The following TMEM232 variants were observed in gnomAD, a reference collection of about 807,000 sequenced individuals.
TMEM232 encodes the protein transmembrane protein 232.
In TMEM232, 80 loss-of-function variants were observed where a neutral mutation model predicts 78.8. The observed-to-expected ratio is 1.01, with a 90% CI of 0.85 to 1.22. The LOEUF is 1.22. Ranked by LOEUF, TMEM232 falls within the 50% of genes most tolerant of loss-of-function variation. The pLI is 0.00. For missense variants in TMEM232, 881 were observed against 742.2 expected (o/e 1.19, Z -2.17); for synonymous variants, 297 against 254.3 (o/e 1.17, Z -1.60).
At chr5:110,676,497 C>T (rs1375601806) in intron 1 of TMEM232, among the ~76,000 whole-genome samples, 2 of 151,786 alleles carry the variant, frequency 1.3e-5, no homozygotes, top group Non-Finnish European at 2.9e-5. Flanking sequence ...CTTCCGCCTC[C>T]TGGGCTTAAG....
intron 1 of TMEM232, among the ~76,000 whole-genome samples, chr5:110,737,054 C>A (rs1400564362): frequency 6.9e-6 from 1 of 145,362 alleles, no homozygotes; most frequent in Admixed American, 6.9e-5. Flanking sequence ...TTTTTTAATA[C>A]AATCATGTCA....
intron 12 of TMEM232, among the ~76,000 whole-genome samples, chr5:110,473,807 CA>C (rs1209290415): frequency 2.9e-4 from 28 of 95,700 alleles, no homozygotes; most frequent in South Asian, 7.4e-4. Context: ...TAGTCAAATT[CA>C]AAAAAAAAGA....
intron 2 of TMEM232, among the ~76,000 whole-genome samples, chr5:110,651,348 AT>A (rs201003092): frequency 0.024 from 3,663 of 152,046 alleles, 47 homozygotes; most frequent in African/African-American, 0.032. Flanking sequence ...AGGGAGAGAC[AT>A]TTGAGTTGAA....
chr5:110,726,108 T>TCACACACACA (rs3985014), intron 1 of TMEM232, among the ~76,000 whole-genome samples: 7,748 of 144,576 alleles, frequency 0.054, 233 homozygotes, highest in Admixed American at 0.094. Context: ...CCTCTCTCTT[T>TCACACACACA]CACACACACA....
intron 11 of TMEM232, among the ~76,000 whole-genome samples, chr5:110,556,559 T>G (rs1190638024): frequency 2.0e-5 from 3 of 152,032 alleles, no homozygotes; most frequent in Admixed American, 2.0e-4. Flanking sequence ...AGCTAATATT[T>G]TGTATTTGGA....
rs866665210 is a variant in TMEM232, at chr5:110,419,853, T to A, written c.*727A>T. ...TTACTCATAGGTTCAGAACTTCAGA[T>A]GAAGTGAAGTTCCATTTCTAAAATA... On this transcript the variant is annotated 3_prime_UTR_variant, in exon 14 of 14. Coordinates refer to ENST00000455884, the MANE Select transcript of TMEM232 (RefSeq NM_001039763.4). 6.6e-5 allele frequency among the ~76,000 whole-genome samples: 10 copies of A among 152,164 alleles called. No individual in the cohort carries two copies. The highest frequency in any genetic ancestry group is 5.9e-5 in the Non-Finnish European group (4 of 67,992).
At chr5:110,392,918 CAAT>C (rs1191086998) in intron 3 of TMEM232, among the ~76,000 whole-genome samples, 1 of 152,106 alleles carries the variant, frequency 6.6e-6, no homozygotes, top group African/African-American at 2.4e-5. Flanking sequence ...TTCTTTCTGA[CAAT>C]AATAATGCAA....
chr5:110,504,212 T>C, intron 12 of TMEM232, among the ~76,000 whole-genome samples: 1 of 152,210 alleles, frequency 6.6e-6, no homozygotes, highest in African/African-American at 2.4e-5. Context: ...CACAATCCTC[T>C]ATTAAAACTC....
chr5:110,535,813 C>A (rs1444174132), intron 11 of TMEM232, among the ~76,000 whole-genome samples: 1 of 152,118 alleles, frequency 6.6e-6, no homozygotes, highest in Non-Finnish European at 1.5e-5. Flanking sequence ...ATCTGTGAGG[C>A]AGGAGAATAG....
intron 1 of TMEM232, among the ~76,000 whole-genome samples, chr5:110,676,057 A>G (rs1791984657): frequency 6.6e-6 from 1 of 152,240 alleles, no homozygotes; most frequent in South Asian, 2.1e-4. Flanking sequence ...CACTTAGCAC[A>G]GTGTCCTCCA....
chr5:110,591,009 G>A (rs1047236028), intron 10 of TMEM232, among the ~76,000 whole-genome samples: 3 of 152,126 alleles, frequency 2.0e-5, no homozygotes, highest in Non-Finnish European at 4.4e-5. Context: ...CTCCCTCAAC[G>A]TGTGGGGATT....
intron 11 of TMEM232, among the ~76,000 whole-genome samples, chr5:110,566,902 A>G (rs905438027): frequency 8.6e-5 from 13 of 151,926 alleles, no homozygotes; most frequent in African/African-American, 3.1e-4. Flanking sequence ...ATAAAGAAAA[A>G]GAGGTTTAAT....
intron 13 of TMEM232, among the ~76,000 whole-genome samples, chr5:110,423,975 G>A (rs1351494146): frequency 6.6e-6 from 1 of 152,098 alleles, no homozygotes; most frequent in Non-Finnish European, 1.5e-5. Flanking sequence ...AACTTTATTA[G>A]TGAATAATAG....
rs145192386 is a variant in TMEM232, at chr5:110,660,842, A to C, written c.125+6386T>G. On this transcript the variant is annotated intron_variant, in intron 2 of 13. Coordinates refer to ENST00000455884, the MANE Select transcript of TMEM232 (RefSeq NM_001039763.4). ...TTTATCATTTATTTGTGTTAGGAAC[A>C]TTGCAATACCACTCTTTCAGTAATT... Among the ~76,000 whole-genome samples, 236 of 152,316 alleles carry C rather than the reference A, an allele frequency of 1.5e-3. 1 individual carries two copies. The highest frequency in any genetic ancestry group is 5.6e-3 in the African/African-American group (231 of 41,584).
chr5:110,612,193 A>C (rs1201351366), intron 8 of TMEM232, among the ~76,000 whole-genome samples: 1 of 152,170 alleles, frequency 6.6e-6, no homozygotes, highest in Non-Finnish European at 1.5e-5. Context: ...CCTGGGGTTC[A>C]TAGGGGTTAA....
chr5:110,461,496 T>C (rs1761526103), intron 12 of TMEM232, among the ~76,000 whole-genome samples: 1 of 152,212 alleles, frequency 6.6e-6, no homozygotes, highest in Admixed American at 6.5e-5. Context: ...CAAGTGCTAA[T>C]GTAGAAACTG....
At chr5:110,725,976 A>G (rs1275552301) in intron 1 of TMEM232, among the ~76,000 whole-genome samples, 6 of 152,106 alleles carry the variant, frequency 3.9e-5, no homozygotes, top group African/African-American at 1.4e-4. Context: ...GGTAAGGTAA[A>G]TAAGAGACTC....
chr5:110,426,338 T>C (rs935631851), intron 12 of TMEM232, among the ~76,000 whole-genome samples: 2 of 152,206 alleles, frequency 1.3e-5, no homozygotes, highest in Admixed American at 1.3e-4. Flanking sequence ...TACTTTTGCC[T>C]GTTTGCTTAC....
chr5:110,584,381 A>T (rs995286235), intron 10 of TMEM232, among the ~76,000 whole-genome samples: 1 of 152,100 alleles, frequency 6.6e-6, no homozygotes, highest in Admixed American at 6.6e-5. Context: ...CATTACGCTA[A>T]GTGAATTAAG....
Sources: gnomAD v4.1 joint callset for allele counts (sites outside exome capture counted in the v4.1 genomes callset) on GRCh38, gnomAD v4.1.1 for gene constraint, MANE v1.5 for transcripts, NCBI Gene and HGNC (gene_info 2026-07-23, HGNC 2026-07-21) for gene names.